Variants in ULK1 observed in about 807,000 individuals in gnomAD.
The protein encoded by ULK1 is unc-51 like autophagy activating kinase 1, also known as serine/threonine-protein kinase ULK1.
Under a neutral mutation model 117.5 loss-of-function variants are expected in ULK1, and 48 were observed. The observed-to-expected ratio is 0.41, with a 90% CI of 0.32 to 0.52. The LOEUF is 0.52. Among genes scored for constraint, ULK1 ranks in the 20% least tolerant of loss-of-function variants. ULK1 has a pLI of 0.29. For synonymous variants in ULK1, 790 were observed against 637.8 expected, an observed-to-expected ratio of 1.24 and a Z score of -3.60; for missense variants, 1,387 against 1,473.4, an observed-to-expected ratio of 0.94 and a Z score of 0.96.
In ULK1 at chr12:131,914,571, C is replaced by T. The variant is rs539587376; in HGVS notation, c.1373+94C>T. The T allele has an allele frequency of 2.0e-6, 3 of 1,489,860 alleles. No individual in the cohort carries two copies. In the East Asian group the frequency reaches 7.4e-5, roughly 37 times the overall value. 92.3% of individuals were successfully genotyped at this position (1,489,860 alleles called of 1,614,324 possible). On this transcript the variant is annotated intron_variant, in intron 16 of 27. Transcript: ENST00000321867. ...CCCATAGAGGGACAGGGTCGTCATC[C>T]ATGTGCAGTTGTGCAGGCTGCGCAC...
In ULK1 at chr12:131,919,796, C is replaced by CG. The variant is rs1253003447; in HGVS notation, c.2804-182dup. The stretch of plus-strand genomic sequence containing the variant: ...AGCCCAGTATGCAGAGCACAGAGGC[C>CG]GTGGGGTCGGATGGCACCCGGGACA... On this transcript the variant is annotated intron_variant, in intron 25 of 27. Coordinates refer to ENST00000321867, the MANE Select transcript of ULK1 (RefSeq NM_003565.4). 13 of 1,053,206 alleles carry CG rather than the reference C, an allele frequency of 1.2e-5. 1 individual carries two copies. The Admixed American group carries it at 1.3e-4, about 10-fold the overall frequency. The allele number at this position is 1,053,206 out of a possible 1,614,324, so 65.2% of individuals were successfully genotyped here.
At chr12:131,920,402 CTT>C in intron 26 of ULK1, 1 of 463,868 alleles carries the variant, frequency 2.2e-6, no homozygotes, top group Non-Finnish European at 3.9e-6. Context: ...AAATGAGAGA[CTT>C]GGTCTTCAGG....
chr12:131,921,332 TC>T lies in ULK1; in HGVS notation c.3125del (p.Ser1042TrpfsTer4), dbSNP rs765620071. ...CAAGCTGTGCATTGAGCGGAGACTC[TC>T]GGCGCTGCTGACTGGCATCTGTGCC... The part of the protein sequence containing the change: ...KCKLCIERRL[S>X]ALLTGICA On this transcript the variant is annotated frameshift_variant, in exon 28 of 28. Coordinates refer to ENST00000321867, the MANE Select transcript of ULK1 (RefSeq NM_003565.4). LOFTEE classifies it high-confidence loss of function. The T allele has an allele frequency of 6.2e-7, 1 of 1,605,992 alleles. No homozygotes were observed. Among genetic ancestry groups the T allele is most frequent in the African/African-American group, 1.3e-5 (1 of 75,034 alleles).
intron 3 of ULK1, among the ~76,000 whole-genome samples, chr12:131,899,492 T>G (rs1889005006): frequency 6.7e-6 from 1 of 149,246 alleles, no homozygotes; most frequent in Admixed American, 6.6e-5. Context: ...CTGGCCTATT[T>G]TAATATATTT....
chr12:131,908,500 G>A (rs1889375675), intron 5 of ULK1, 144 bp from the exon 6 acceptor site: 3 of 1,016,168 alleles, frequency 3.0e-6, no homozygotes, highest in Non-Finnish European at 4.0e-6. Flanking sequence ...GGTGGCTTGT[G>A]CCCCTCCTGA....
rs1298979193 is a variant in ULK1, at chr12:131,911,939, C to T, written c.949-3C>T. 6.2e-7 allele frequency: 1 copy of T among 1,612,824 alleles called. No homozygotes were observed. The highest frequency in any genetic ancestry group is 1.3e-5 in the African/African-American group (1 of 75,056). ...GCTCACCAGCCCCTCCGTTGACTCT[C>T]AGTCCCTGGGCGAGATGCAGCAGCT... On this transcript the variant is annotated splice_region_variant and splice_polypyrimidine_tract_variant and intron_variant, in intron 12 of 27. Transcript: ENST00000321867.
chr12:131,921,714 GA>G lies in ULK1; in HGVS notation c.*354del. 1.7e-6 allele frequency: 1 copy of G among 594,590 alleles called. No homozygotes were observed. The highest frequency in any genetic ancestry group is 3.1e-6 in the Non-Finnish European group (1 of 318,112). 36.8% of individuals were successfully genotyped at this position (594,590 alleles called of 1,614,324 possible). On this transcript the variant is annotated 3_prime_UTR_variant, in exon 28 of 28. Transcript: ENST00000321867. Reference sequence around the variant, plus strand: ...ACCACTGCCGACTCAAAGCCAAAGCGAGCTCCTGCTTAGGGAAGGTCAGCAG... The same window carrying G: ...ACCACTGCCGACTCAAAGCCAAAGCGGCTCCTGCTTAGGGAAGGTCAGCAG...
At chr12:131,897,692 A>G (rs1236325733) in intron 3 of ULK1, 1 of 152,142 alleles carries the variant, frequency 6.6e-6, no homozygotes, top group Non-Finnish European at 1.5e-5. Context: ...GTGGGAGGCC[A>G]AGACAGACCA....
chr12:131,913,813 C>G lies in ULK1; in HGVS notation c.1224C>G (p.Cys408Trp). 6.4e-7 allele frequency: 1 copy of G among 1,565,584 alleles called. No individual in the cohort carries two copies. Residue 408 changes from cysteine (C) to tryptophan (W), a missense_variant, in exon 15 of 28, where the codon TGC (cysteine) becomes TGG (tryptophan). By Grantham distance (215) the Cys-to-Trp change is radical. This residue lies in a region of ULK1 where 260 missense variants were observed against 271.6 expected (regional missense o/e 0.96). Coordinates refer to ENST00000321867, the MANE Select transcript of ULK1 (RefSeq NM_003565.4). ...GGACCCCATCTCCATCCCCACCCTG[C>G]AGCAGCTCCCCCAGTCCCTCAGGGT... Reference protein sequence around the residue: ...HGRTPSPSPPCSSSPSPSGRA... With the variant: ...HGRTPSPSPPWSSSPSPSGRA...
intron 6 of ULK1, 24 bp from the exon 7 acceptor site, chr12:131,908,874 G>A (rs776121172): frequency 1.9e-6 from 3 of 1,608,464 alleles, no homozygotes; most frequent in East Asian, 4.5e-5. Flanking sequence ...GGCCGGCGCC[G>A]GTCCTGACGC....
At chr12:131,904,983 G>A (rs1889217856) in intron 3 of ULK1, among the ~76,000 whole-genome samples, 1 of 152,158 alleles carries the variant, frequency 6.6e-6, no homozygotes, top group Admixed American at 6.5e-5. Flanking sequence ...GGAGCCCTGG[G>A]CTCCCCACGT....
rs1443412364 is a variant in ULK1, at chr12:131,910,297, C to T, written c.852C>T (p.Val284=). Residue 284 remains valine, a synonymous_variant, in exon 11 of 28, where the codon GTC becomes GTT. Transcript: ENST00000321867. ...HHPFLDASPS[V]RKSPPVPVPS... Reference sequence around the variant, plus strand: ...CTTTCCTCGATGCCAGCCCCTCGGTCAGGAAATGTGAGTTTCTGTGGGTCC... The same window carrying T: ...CTTTCCTCGATGCCAGCCCCTCGGTTAGGAAATGTGAGTTTCTGTGGGTCC... 6.2e-6 allele frequency: 10 copies of T among 1,613,788 alleles called. No individual in the cohort carries two copies. Among genetic ancestry groups the T allele is most frequent in the Non-Finnish European group, 8.5e-6 (10 of 1,179,982 alleles).
Position 131,913,188 on chromosome 12 carries a change from C to T in ULK1, c.1097-10C>T, listed in dbSNP as rs1306422326. On this transcript the variant is annotated splice_polypyrimidine_tract_variant and intron_variant, in intron 13 of 27. Transcript: ENST00000321867. Reference sequence around the variant, plus strand: ...AAGGACTCCAGGCCCAGCCTTGTCTCCCCCTGCAGGTGACCTGGTGGCTGA... The same window carrying T: ...AAGGACTCCAGGCCCAGCCTTGTCTTCCCCTGCAGGTGACCTGGTGGCTGA... 1 of 1,570,650 alleles carries T rather than the reference C, an allele frequency of 6.4e-7. No individual in the cohort carries two copies. The highest frequency in any genetic ancestry group is 8.6e-7 in the Non-Finnish European group (1 of 1,163,552).
In ULK1 at chr12:131,907,534, G is replaced by C; in HGVS notation, c.316+3G>C. The stretch of plus-strand genomic sequence containing the variant: ...GGACCTGGCCGACTACCTGCACGGT[G>C]AGTGCACAGCTGCGCCACCTGGGCT... On this transcript the variant is annotated splice_donor_region_variant and intron_variant, in intron 5 of 27. Transcript: ENST00000321867. 1 of 1,611,538 alleles carries C rather than the reference G, an allele frequency of 6.2e-7. No individual in the cohort carries two copies. The highest frequency in any genetic ancestry group is 8.5e-7 in the Non-Finnish European group (1 of 1,179,568).
In ULK1 at chr12:131,919,249, C is replaced by T. The variant is rs147409347; in HGVS notation, c.2549C>T (p.Thr850Met). 506 of 1,597,836 alleles carry T rather than the reference C, an allele frequency of 3.2e-4. No individual in the cohort carries two copies. In the African/African-American group the frequency reaches 5.6e-3, roughly 18 times the overall value. ...HTEILRGLRF[T>M]LLFVQHVLEI... is the part of the protein sequence containing the mutation. The stretch of plus-strand genomic sequence containing the variant: ...GAGATCCTGCGTGGCCTGCGCTTCA[C>T]GCTGCTGTTCGTGCAGCACGTCCTG... Residue 850 changes from threonine (T) to methionine (M), a missense_variant, in exon 24 of 28, where the codon ACG becomes ATG. Physicochemically the swap from Thr to Met is moderately conservative, Grantham distance 81. Transcript: ENST00000321867.
At chr12:131,916,802 C>G in intron 20 of ULK1, 151 bp from the exon 21 acceptor site, 1 of 958,206 alleles carries the variant, frequency 1.0e-6, no homozygotes, top group Non-Finnish European at 1.5e-6. Context: ...TCGCCATGCC[C>G]GCCTGTAAGC....
At chr12:131,912,137 G>A (rs1269140904) in intron 13 of ULK1, 48 bp downstream of exon 13, 2 of 1,574,354 alleles carry the variant, frequency 1.3e-6, no homozygotes, top group Non-Finnish European at 1.7e-6. Flanking sequence ...GTGCGGCGGG[G>A]ACAGTGCATT....
chr12:131,919,839 A>T, intron 25 of ULK1, 140 bp from the exon 26 acceptor site: 1 of 1,313,014 alleles, frequency 7.6e-7, no homozygotes, highest in Non-Finnish European at 1.0e-6. Flanking sequence ...GAGCCTGGCC[A>T]CACCCTCAAG....
At chr12:131,909,386 G>A (rs886597989) in intron 8 of ULK1, 149 bp downstream of exon 8, 5 of 934,864 alleles carry the variant, frequency 5.3e-6, no homozygotes, top group Non-Finnish European at 7.7e-6. Context: ...GGTCCAGTGG[G>A]GAAGGGGCCT....
Sources: gnomAD v4.1 joint callset for allele counts (sites outside exome capture counted in the v4.1 genomes callset) on GRCh38, gnomAD v4.1.1 for gene constraint, gnomAD v4.1.1 regional missense constraint, MANE v1.5 for transcripts, NCBI Gene and HGNC (gene_info 2026-07-23, HGNC 2026-07-21) for gene names.